Variants in HSPG2 observed in about 807,000 individuals in gnomAD.
HSPG2 encodes basement membrane-specific heparan sulfate proteoglycan core protein.
Under a neutral mutation model 526.6 loss-of-function variants are expected in HSPG2, and 278 were observed. That is an observed-to-expected ratio of 0.53 (90% CI 0.48 to 0.58). HSPG2 has a LOEUF of 0.58. HSPG2 is among the 20% of genes least tolerant of loss of function. The pLI, the probability that HSPG2 is intolerant of heterozygous loss-of-function variation, is 0.00. For synonymous variants in HSPG2, 2,465 were observed against 2,555.4 expected, an observed-to-expected ratio of 0.96 and a Z score of 1.07; for missense variants, 5,354 against 6,099.5, an observed-to-expected ratio of 0.88 and a Z score of 4.07.
At chr1:21,861,002 AG>A (rs1639746892) in intron 39 of HSPG2, among the ~76,000 whole-genome samples, 1 of 152,242 alleles carries the variant, frequency 6.6e-6, no homozygotes, top group Admixed American at 6.5e-5. Context: ...GAGGCTTCCA[AG>A]AGGATGGGAC....
Position 21,865,248 on chromosome 1 carries a change from G to A in HSPG2, c.4395+37C>T, listed in dbSNP as rs1013798295. 4.4e-6 allele frequency: 7 copies of A among 1,596,748 alleles called. No individual in the cohort carries two copies. In the African/African-American group the frequency reaches 9.4e-5, roughly 21 times the overall value. On this transcript the variant is annotated intron_variant, in intron 35 of 96. Transcript: ENST00000374695. This position sits in a 1 kb window ranked among gnomAD's most constrained non-coding sequence, Gnocchi z 5.4. Reference sequence around the variant, plus strand: ...GGCTCTGAGTCAGGGTGGAGGGTGGGGTGGGGTTAGACACAGCATGGCCAG... The same window carrying A: ...GGCTCTGAGTCAGGGTGGAGGGTGGAGTGGGGTTAGACACAGCATGGCCAG...
chr1:21,922,581 C>G (rs995921106), intron 1 of HSPG2, among the ~76,000 whole-genome samples: 2 of 152,160 alleles, frequency 1.3e-5, no homozygotes, highest in Non-Finnish European at 2.9e-5. Context: ...AAGGTGGCCC[C>G]TGGGGCTTCT....
intron 85 of HSPG2, 53 bp downstream of exon 85, chr1:21,830,929 A>C (rs964461814): frequency 2.4e-6 from 3 of 1,259,814 alleles, no homozygotes; most frequent in African/African-American, 3.0e-5. Flanking sequence ...GGGAGGCAGC[A>C]AAGGGAAGAG....
chr1:21,831,922 G>C, intron 81 of HSPG2, 126 bp from the exon 82 acceptor site: 1 of 1,037,646 alleles, frequency 9.6e-7, no homozygotes, highest in Middle Eastern at 3.1e-4. Flanking sequence ...CCCAGCCCTG[G>C]GGCTGTTCCC....
chr1:21,831,879 TC>T, intron 81 of HSPG2, 83 bp from the exon 82 acceptor site: 1 of 1,414,308 alleles, frequency 7.1e-7, no homozygotes, highest in Non-Finnish European at 9.5e-7. Context: ...GGTAGAGGGG[TC>T]CCAGAGGAGG....
At chr1:21,918,315 A>C (rs1034396219) in intron 1 of HSPG2, among the ~76,000 whole-genome samples, 1 of 152,132 alleles carries the variant, frequency 6.6e-6, no homozygotes, top group African/African-American at 2.4e-5. Flanking sequence ...AAATACAAAA[A>C]TTAGCAGGGT....
In HSPG2 at chr1:21,874,025, C is replaced by G. The variant is rs2152746398; in HGVS notation, c.3657-14G>C. 1 of 1,590,136 alleles carries G rather than the reference C, an allele frequency of 6.3e-7. No individual in the cohort carries two copies. Among genetic ancestry groups the G allele is most frequent in the Non-Finnish European group, 8.6e-7 (1 of 1,166,782 alleles). The stretch of plus-strand genomic sequence containing the variant: ...GTGTGGGCAGCCCTGAGTGTGGGGG[C>G]AGATTTCTAGTCAGGAACGCAGTGG... On this transcript the variant is annotated splice_polypyrimidine_tract_variant and intron_variant, in intron 28 of 96. Coordinates refer to ENST00000374695, the MANE Select transcript of HSPG2 (RefSeq NM_005529.7).
chr1:21,868,374 G>A (rs1640401102), intron 33 of HSPG2, among the ~76,000 whole-genome samples: 1 of 152,032 alleles, frequency 6.6e-6, no homozygotes, highest in East Asian at 1.9e-4. Context: ...TGAAATTGTT[G>A]GAACAAAATA....
chr1:21,829,466 C>A lies in HSPG2; in HGVS notation c.11909G>T (p.Gly3970Val), dbSNP rs374365576. ...LAPDGVLLFS[G>V]GKSGPVEDFV... ...GTCCTCCACAGGCCCGCTCTTCCCC[C>A]CGCTGAACAGCAGGACCCCGTCAGG... The change falls in exon 87 of 97, where the codon GGG becomes GTG. Residue 3970 changes from glycine to valine, a missense_variant. Physicochemically the swap from Gly to Val is moderately radical, Grantham distance 109 (BLOSUM62 -3). Coordinates refer to ENST00000374695, the MANE Select transcript of HSPG2 (RefSeq NM_005529.7). The A allele has an allele frequency of 7.4e-6, 12 of 1,613,272 alleles. No individual in the cohort carries two copies. The highest frequency in any genetic ancestry group is 5.3e-5 in the African/African-American group (4 of 74,930).
chr1:21,854,323 C>A lies in HSPG2; in HGVS notation c.6309G>T (p.Arg2103=). 1 of 1,571,832 alleles carries A rather than the reference C, an allele frequency of 6.4e-7. No individual in the cohort carries two copies. Among genetic ancestry groups the A allele is most frequent in the Non-Finnish European group, 8.6e-7 (1 of 1,158,234 alleles). ...PHTQVHGSRL[R]LPQVSPADSG... ...AATCAGCTGGTGAGACCTGGGGGAGCCGCAGACGGGAGCCGTGCACCTGGG... is the reference window on the plus strand; with the variant it reads ...AATCAGCTGGTGAGACCTGGGGGAGACGCAGACGGGAGCCGTGCACCTGGG... Residue 2103 remains arginine, a synonymous_variant, in exon 50 of 97, where the codon CGG becomes CGT. Transcript: ENST00000374695.
intron 55 of HSPG2, chr1:21,851,211 G>A (rs6426727): frequency 0.069 from 24,969 of 361,878 alleles, 1,040 homozygotes; most frequent in African/African-American, 0.1. Flanking sequence ...GACCTCAGGC[G>A]ATTCGCCCAC....
chr1:21,928,780 G>A (rs1157424924), intron 1 of HSPG2, among the ~76,000 whole-genome samples: 1 of 140,474 alleles, frequency 7.1e-6, no homozygotes, highest in African/African-American at 2.7e-5. Flanking sequence ...ATGGAGTTTT[G>A]TTCTTGTTGC....
rs1378916104 is a variant in HSPG2 at position 21,828,956 on chromosome 1, G to A, written c.12116C>T (p.Ser4039Leu). 2.6e-5 allele frequency: 41 copies of A among 1,577,078 alleles called. No individual in the cohort carries two copies. The highest frequency in any genetic ancestry group is 3.6e-5 in the Admixed American group (2 of 55,140). The change falls in exon 88 of 97, where the codon TCG becomes TTG. Residue 4039 changes from serine (S) to leucine (L), a missense_variant. Ser to Leu is a moderately radical substitution (Grantham distance 145). Transcript: ENST00000374695. This position sits in a 1 kb window ranked among gnomAD's most constrained non-coding sequence, Gnocchi z 6.0. ...GTTGAGGCCCTGGCTCTTGCCGGGC[G>A]AGGAGCGCAGCACAGGGCGTCCACC... ...VNGGRPVLRSSPGKSQGLNLH... is the reference protein window; with the variant it reads ...VNGGRPVLRSLPGKSQGLNLH...
At position 21,834,057 on chromosome 1, in the gene HSPG2, A is replaced by G. The variant is rs2098016085; in HGVS notation, c.10721-132T>C. 3 of 743,250 alleles carry G rather than the reference A, an allele frequency of 4.0e-6. No homozygotes were observed. The South Asian group carries it at 4.4e-5, about 11-fold the overall frequency. The allele number at this position is 743,250 out of a possible 1,614,324, so 46.0% of individuals were successfully genotyped here. ...ACTACATTCCATTTCACAGATGAGG[A>G]AATTATGGCTCAGAGGGGAAAAGCG... On this transcript the variant is annotated intron_variant, in intron 77 of 96. Coordinates refer to ENST00000374695, the MANE Select transcript of HSPG2 (RefSeq NM_005529.7).
At position 21,833,356 on chromosome 1, in the gene HSPG2, G is replaced by T; in HGVS notation, c.11007C>A (p.Thr3669=). The stretch of plus-strand genomic sequence containing the variant: ...TGGGCAGCGGTAGGAAGGAGTAGGG[G>T]GTCTGCGTGAAGTAGGGCACCACCC... ...PERVVPYFTQ[T]PYSFLPLPTI... The change falls in exon 80 of 97, where the codon ACC becomes ACA. Residue 3669 remains threonine, a synonymous_variant. Coordinates refer to ENST00000374695, the MANE Select transcript of HSPG2 (RefSeq NM_005529.7). 1 of 1,614,162 alleles carries T rather than the reference G, an allele frequency of 6.2e-7. No individual in the cohort carries two copies. The highest frequency in any genetic ancestry group is 8.5e-7 in the Non-Finnish European group (1 of 1,180,014).
chr1:21,878,124 C>G (rs1572334746), intron 21 of HSPG2, 62 bp downstream of exon 21: 1 of 1,471,576 alleles, frequency 6.8e-7, no homozygotes, highest in East Asian at 2.3e-5. Flanking sequence ...CTTCCTTCTT[C>G]CTCCTCCCAG....
Position 21,865,139 on chromosome 1 carries a change from C to G in HSPG2, c.4396-66G>C. On this transcript the variant is annotated intron_variant, in intron 35 of 96. Transcript: ENST00000374695. The surrounding 1 kb of genome is among the most constrained non-coding windows in gnomAD (Gnocchi z 5.4). The stretch of plus-strand genomic sequence containing the variant: ...TGTGGGCTGCTCCTACAGTTACCAC[C>G]CCCCAAATCCTGCCTTACAGGCACT... The G allele has an allele frequency of 6.5e-7, 1 of 1,531,210 alleles. No individual in the cohort carries two copies. Among genetic ancestry groups the G allele is most frequent in the Non-Finnish European group, 9.0e-7 (1 of 1,113,106 alleles). 94.9% of individuals were successfully genotyped at this position (1,531,210 alleles called of 1,614,324 possible).
chr1:21,854,331 G>T lies in HSPG2; in HGVS notation c.6301C>A (p.Arg2101Ser). ...LPPHTQVHGS[R>S]LRLPQVSPAD... ...GGTGAGACCTGGGGGAGCCGCAGACGGGAGCCGTGCACCTGGGCCAGGAGG... is the reference window on the plus strand; with the variant it reads ...GGTGAGACCTGGGGGAGCCGCAGACTGGAGCCGTGCACCTGGGCCAGGAGG... The change falls in exon 50 of 97, where the codon CGT becomes AGT. Residue 2101 changes from arginine (R) to serine (S), a missense_variant. Arg to Ser is a moderately radical substitution (Grantham distance 110, BLOSUM62 -1). Transcript: ENST00000374695. 6.4e-7 allele frequency: 1 copy of T among 1,569,902 alleles called. No individual in the cohort carries two copies. Among genetic ancestry groups the T allele is most frequent in the Non-Finnish European group, 8.6e-7 (1 of 1,157,124 alleles).
intron 1 of HSPG2, chr1:21,908,711 C>T (rs527900434): frequency 1.5e-4 from 75 of 504,430 alleles, no homozygotes; most frequent in Non-Finnish European, 1.5e-4. Flanking sequence ...TCAACTTAAA[C>T]GACCCCAAAG....
Sources: allele counts gnomAD v4.1 joint callset (sites outside exome capture counted in the v4.1 genomes callset), GRCh38; gene constraint gnomAD v4.1.1; non-coding constraint Gnocchi (gnomAD v3.1); transcripts MANE v1.5; gene names NCBI Gene and HGNC (gene_info 2026-07-23, HGNC 2026-07-21).